AFG2A: variants seen among roughly 807,000 people sequenced by gnomAD.
AFG2A encodes AAA ATPase AFG2A.
chr4:123,253,611 C>T, the AFG2A span, among the ~76,000 whole-genome samples: 1 of 152,092 alleles, frequency 6.6e-6, no homozygotes, highest in African/African-American at 2.4e-5. Context: ...GATCACATCA[C>T]TGCACTCTAG....
the AFG2A span, among the ~76,000 whole-genome samples, chr4:123,169,503 G>GT: frequency 5.3e-5 from 8 of 152,184 alleles, no homozygotes; most frequent in South Asian, 2.1e-4. Context: ...CTTTTGTTTT[G>GT]TTTTTTTGTT....
the AFG2A span, among the ~76,000 whole-genome samples, chr4:122,983,002 G>A: frequency 6.6e-6 from 1 of 150,386 alleles, no homozygotes; most frequent in Non-Finnish European, 1.5e-5. Flanking sequence ...TGAGTAGCTG[G>A]GATTACAGGC....
At chr4:123,180,833 ATC>A in the AFG2A span, among the ~76,000 whole-genome samples, 3,619 of 152,160 alleles carry the variant, frequency 0.024, 152 homozygotes, top group African/African-American at 0.08. Context: ...CTCATTCAGT[ATC>A]TCTGTTTTTT....
the AFG2A span, among the ~76,000 whole-genome samples, chr4:123,017,144 G>A: frequency 1.2e-5 from 1 of 84,462 alleles, no homozygotes; most frequent in Admixed American, 1.2e-4. Context: ...GTGGGGAGAG[G>A]GAGAGGGGGG....
the AFG2A span, among the ~76,000 whole-genome samples, chr4:123,037,888 G>A: frequency 6.6e-6 from 1 of 152,028 alleles, no homozygotes; most frequent in Non-Finnish European, 1.5e-5. Context: ...TAGAAAGAGT[G>A]CTGGTTTGGA....
At chr4:123,267,556 T>G in the AFG2A span, among the ~76,000 whole-genome samples, 5 of 152,172 alleles carry the variant, frequency 3.3e-5, no homozygotes, top group South Asian at 1.0e-3. Context: ...AGGACAATCT[T>G]TCAGTGACAG....
At chr4:123,142,793 A>C in the AFG2A span, among the ~76,000 whole-genome samples, 3 of 152,174 alleles carry the variant, frequency 2.0e-5, no homozygotes, top group Admixed American at 2.0e-4. Flanking sequence ...TGCAGTATAC[A>C]TGGATCTTAA....
At chr4:123,295,189 GT>G in the AFG2A span, among the ~76,000 whole-genome samples, 2 of 152,216 alleles carry the variant, frequency 1.3e-5, no homozygotes, top group Admixed American at 1.3e-4. Context: ...AGGCAGGTCA[GT>G]TCGATAGCAT....
the AFG2A span, among the ~76,000 whole-genome samples, chr4:123,209,538 A>G: frequency 2.0e-5 from 3 of 150,702 alleles, no homozygotes; most frequent in South Asian, 6.3e-4. Flanking sequence ...TGAACTGCGT[A>G]GCCCTGGATT....
At chr4:123,085,986 C>T in the AFG2A span, among the ~76,000 whole-genome samples, 4 of 152,008 alleles carry the variant, frequency 2.6e-5, no homozygotes, top group Non-Finnish European at 5.9e-5. Flanking sequence ...CCTAAGTTAT[C>T]CTTCTCATGT....
chr4:123,100,932 A>G, the AFG2A span, among the ~76,000 whole-genome samples: 1 of 151,968 alleles, frequency 6.6e-6, no homozygotes, highest in African/African-American at 2.4e-5. Flanking sequence ...TTTCCCAATT[A>G]TTTCCATGGC....
the AFG2A span, among the ~76,000 whole-genome samples, chr4:123,001,961 G>C: frequency 6.6e-6 from 1 of 152,152 alleles, no homozygotes; most frequent in African/African-American, 2.4e-5. Flanking sequence ...AGGTCACTCA[G>C]GACTTGCTTT....
chr4:122,937,765 G>A, the AFG2A span, among the ~76,000 whole-genome samples: 2 of 152,088 alleles, frequency 1.3e-5, no homozygotes, highest in Non-Finnish European at 2.9e-5. Context: ...TATGTCCTTT[G>A]GTTTCAAACC....
chr4:122,930,052 A>C, the AFG2A span, among the ~76,000 whole-genome samples: 1 of 152,346 alleles, frequency 6.6e-6, no homozygotes, highest in South Asian at 2.1e-4. Context: ...AGAAAAGAGT[A>C]GATTACTGTG....
chr4:123,274,847 C>T, the AFG2A span, among the ~76,000 whole-genome samples: 2 of 152,018 alleles, frequency 1.3e-5, no homozygotes, highest in Non-Finnish European at 2.9e-5. Flanking sequence ...TGGCCAAAGT[C>T]AGATTTATTG....
At chr4:122,978,739 C>T in the AFG2A span, among the ~76,000 whole-genome samples, 2 of 152,202 alleles carry the variant, frequency 1.3e-5, no homozygotes, top group Non-Finnish European at 2.9e-5. Context: ...CATTGGCACC[C>T]AAAGTCTGGA....
chr4:123,071,999 G>A, the AFG2A span, among the ~76,000 whole-genome samples: 3 of 152,160 alleles, frequency 2.0e-5, no homozygotes, highest in Non-Finnish European at 4.4e-5. Context: ...GGCTGTAGTA[G>A]ATATTTCAGC....
chr4:122,952,398 C>T, the AFG2A span, among the ~76,000 whole-genome samples: 1 of 152,154 alleles, frequency 6.6e-6, no homozygotes, highest in African/African-American at 2.4e-5. Context: ...CAGTGGGCCC[C>T]CTTCTTGACT....
chr4:123,286,411 G>A, the AFG2A span, among the ~76,000 whole-genome samples: 1 of 152,066 alleles, frequency 6.6e-6, no homozygotes, highest in Non-Finnish European at 1.5e-5. Context: ...TGTATTTGAT[G>A]CATAAATTAT....
Sources: allele counts gnomAD v4.1 joint callset (sites outside exome capture counted in the v4.1 genomes callset), GRCh38; gene constraint gnomAD v4.1.1; transcripts MANE v1.5; gene names NCBI Gene and HGNC (gene_info 2026-07-23, HGNC 2026-07-21).